WDR7: variants seen among roughly 807,000 people sequenced by gnomAD.
The protein encoded by WDR7 is WD repeat domain 7.
In WDR7, 46 loss-of-function variants were observed where a neutral mutation model predicts 169.4. That is an observed-to-expected ratio of 0.27 (90% CI 0.21 to 0.35). The LOEUF (loss-of-function observed/expected upper bound fraction) is 0.35, where lower values mean the gene tolerates loss of function less well. Ranked by LOEUF, WDR7 falls within the 10% of genes least tolerant of loss-of-function variation. The pLI, the probability that WDR7 is intolerant of heterozygous loss-of-function variation, is 1.00. For synonymous variants in WDR7, 612 were observed against 666.8 expected (o/e 0.92, Z 1.27); for missense variants, 1,534 against 1,859.3 (o/e 0.83, Z 3.22).
At chr18:56,960,075 T>C (rs1369626997) in intron 25 of WDR7, among the ~76,000 whole-genome samples, 5 of 152,200 alleles carry the variant, frequency 3.3e-5, no homozygotes, top group African/African-American at 4.8e-5. Flanking sequence ...CCTTATGACC[T>C]TCACTGTCCA....
chr18:56,851,974 C>T (rs1472992087), intron 20 of WDR7, among the ~76,000 whole-genome samples: 1 of 152,068 alleles, frequency 6.6e-6, no homozygotes, highest in African/African-American at 2.4e-5. Flanking sequence ...AGTTTCAGTT[C>T]CTGTTATTGT....
chr18:56,720,041 T>C (rs1445556318), intron 13 of WDR7, among the ~76,000 whole-genome samples: 2 of 152,220 alleles, frequency 1.3e-5, no homozygotes, highest in Non-Finnish European at 1.5e-5. Flanking sequence ...TGTTACTTTG[T>C]TGAACTTGGG....
At chr18:56,679,175 C>T (rs1360653396) in intron 2 of WDR7, among the ~76,000 whole-genome samples, 157 bp from the exon 3 acceptor site, 49 of 152,212 alleles carry the variant, frequency 3.2e-4, no homozygotes. Context: ...GAAGTTCTCC[C>T]AGGCGGCTCC....
chr18:57,003,805 T>C (rs1787458), intron 26 of WDR7, among the ~76,000 whole-genome samples: 93,618 of 151,796 alleles, frequency 0.62, 29,426 homozygotes, highest in Middle Eastern at 0.73. Flanking sequence ...TTGCCAACTA[T>C]GCTTATCTGA....
chr18:56,754,903 C>T (rs1004921687), intron 14 of WDR7, among the ~76,000 whole-genome samples: 1 of 152,094 alleles, frequency 6.6e-6, no homozygotes, highest in Non-Finnish European at 1.5e-5. Flanking sequence ...TATTCAAATT[C>T]ACAGCTGCAG....
At chr18:56,653,403 C>T (rs1455376926) in intron 1 of WDR7, among the ~76,000 whole-genome samples, 1 of 152,102 alleles carries the variant, frequency 6.6e-6, no homozygotes, top group East Asian at 1.9e-4. Context: ...CATGGGGTTT[C>T]ACCATGTTGG....
intron 12 of WDR7, among the ~76,000 whole-genome samples, chr18:56,703,623 T>A (rs1307411049): frequency 6.6e-6 from 1 of 152,132 alleles, no homozygotes; most frequent in African/African-American, 2.4e-5. Context: ...TATATTTTTA[T>A]GTATTTGGCA....
chr18:56,774,956 T>G (rs1322080664), intron 16 of WDR7, among the ~76,000 whole-genome samples: 2 of 152,070 alleles, frequency 1.3e-5, no homozygotes, highest in African/African-American at 2.4e-5. Flanking sequence ...CGAGAATCTG[T>G]TTTTTTCTTT....
At chr18:56,683,653 T>A (rs935638299) in intron 5 of WDR7, among the ~76,000 whole-genome samples, 17 of 152,172 alleles carry the variant, frequency 1.1e-4, no homozygotes, top group Admixed American at 1.1e-3. Context: ...GTGGGGTAGG[T>A]ACTGTTAATA....
intron 16 of WDR7, 142 bp downstream of exon 16, chr18:56,759,095 G>T: frequency 1.8e-6 from 1 of 542,952 alleles, no homozygotes; most frequent in Non-Finnish European, 3.1e-6. Context: ...ATGTAAATAT[G>T]GATAATTAAG....
At chr18:56,800,498 T>C (rs2044654069) in intron 19 of WDR7, among the ~76,000 whole-genome samples, 1 of 152,084 alleles carries the variant, frequency 6.6e-6, no homozygotes, top group African/African-American at 2.4e-5. Flanking sequence ...TTTTGAGACA[T>C]AATTTGTGTT....
At chr18:56,900,111 A>ATATATATATATAT (rs1555707547) in intron 21 of WDR7, among the ~76,000 whole-genome samples, 112 of 137,618 alleles carry the variant, frequency 8.1e-4, no homozygotes, top group East Asian at 1.2e-3. Context: ...TATATATATA[A>ATATATATATATAT]AATTGTTAAT....
chr18:56,708,359 A>AG (rs1387308342), intron 12 of WDR7, among the ~76,000 whole-genome samples: 1 of 152,036 alleles, frequency 6.6e-6, no homozygotes, highest in Non-Finnish European at 1.5e-5. Flanking sequence ...GTAATGATAT[A>AG]GGTATGATTT....
At chr18:56,892,954 TA>T (rs2145532014) in intron 21 of WDR7, among the ~76,000 whole-genome samples, 2 of 152,160 alleles carry the variant, frequency 1.3e-5, no homozygotes, top group African/African-American at 4.8e-5. Flanking sequence ...ACAATATTTA[TA>T]AGTAAAAGCA....
chr18:56,986,477 GT>G (rs2047721728), intron 26 of WDR7, among the ~76,000 whole-genome samples: 1 of 152,034 alleles, frequency 6.6e-6, no homozygotes, highest in African/African-American at 2.4e-5. Flanking sequence ...AGGATACATA[GT>G]TTTCTAAATG....
At chr18:56,933,004 T>G (rs1398722383) in intron 22 of WDR7, among the ~76,000 whole-genome samples, 5 of 152,068 alleles carry the variant, frequency 3.3e-5, no homozygotes, top group Middle Eastern at 3.2e-3. Flanking sequence ...AATGGTGAGT[T>G]TGCTATGATC....
intron 21 of WDR7, 97 bp downstream of exon 21, chr18:56,880,262 T>C: frequency 8.4e-7 from 1 of 1,188,102 alleles, no homozygotes; most frequent in Non-Finnish European, 1.2e-6. Flanking sequence ...GAGTTTTAGC[T>C]CATTTAGATT....
intron 20 of WDR7, among the ~76,000 whole-genome samples, chr18:56,868,046 A>G (rs1432830940): frequency 6.6e-6 from 1 of 152,168 alleles, no homozygotes; most frequent in Non-Finnish European, 1.5e-5. Flanking sequence ...AGGTACCACA[A>G]AGGTGTGGGC....
downstream of WDR7, chr18:57,033,498 G>A (rs767346827): frequency 6.6e-6 from 1 of 152,166 alleles, no homozygotes; most frequent in Non-Finnish European, 1.5e-5. Context: ...AAGGACACTC[G>A]AAATCCATAA....
Sources: gnomAD v4.1 joint callset for allele counts (sites outside exome capture counted in the v4.1 genomes callset) on GRCh38, gnomAD v4.1.1 for gene constraint, MANE v1.5 for transcripts, NCBI Gene and HGNC (gene_info 2026-07-23, HGNC 2026-07-21) for gene names.